ENOX1: variants seen among roughly 807,000 people sequenced by gnomAD.
ENOX1 encodes ecto-NOX disulfide-thiol exchanger 1.
In ENOX1, 42 loss-of-function variants were observed where a neutral mutation model predicts 82.5. The observed-to-expected ratio is 0.51, with a 90% CI of 0.40 to 0.66. The LOEUF (loss-of-function observed/expected upper bound fraction) is 0.66. ENOX1 is among the 30% of genes least tolerant of loss of function. The probability of loss-of-function intolerance (pLI) is 0.00; values close to 1 mark genes in which losing one functional copy is unlikely to be tolerated. For missense variants in ENOX1, 608 were observed against 811.6 expected (o/e 0.75, Z 3.05); for synonymous variants, 271 against 282.2 (o/e 0.96, Z 0.40).
At chr13:43,771,113 A>G (rs1158712961) in intron 1 of ENOX1, among the ~76,000 whole-genome samples, 1 of 152,212 alleles carries the variant, frequency 6.6e-6, no homozygotes, top group African/African-American at 2.4e-5. Context: ...GAAGAGTGGA[A>G]ATAACATTAA....
chr13:43,534,304 CA>C (rs2078357929), intron 2 of ENOX1, among the ~76,000 whole-genome samples: 1 of 152,092 alleles, frequency 6.6e-6, no homozygotes. Context: ...GTGTTGCTGG[CA>C]ACTGCTGAGT....
chr13:43,602,821 T>C (rs2081785756), intron 2 of ENOX1, among the ~76,000 whole-genome samples: 2 of 152,038 alleles, frequency 1.3e-5, no homozygotes, highest in South Asian at 4.2e-4. Context: ...TCATGAAATA[T>C]GTGCACAGGA....
intron 2 of ENOX1, among the ~76,000 whole-genome samples, chr13:43,559,506 C>T (rs190207055): frequency 1.3e-5 from 2 of 152,274 alleles, no homozygotes; most frequent in East Asian, 3.9e-4. Flanking sequence ...TTAGGTCTTA[C>T]TGTCTCTCAG....
At chr13:43,338,840 T>C (rs1297165202) in intron 9 of ENOX1, among the ~76,000 whole-genome samples, 12 of 152,022 alleles carry the variant, frequency 7.9e-5, no homozygotes, top group South Asian at 2.1e-4. Context: ...CGCCCGCCAC[T>C]GCCCCCGGCT....
At chr13:43,538,159 C>A (rs1204174075) in intron 2 of ENOX1, among the ~76,000 whole-genome samples, 1 of 152,198 alleles carries the variant, frequency 6.6e-6, no homozygotes, top group African/African-American at 2.4e-5. Flanking sequence ...GCTGATATAG[C>A]CACTCTCTCA....
intron 2 of ENOX1, among the ~76,000 whole-genome samples, chr13:43,607,003 G>A (rs2082002698): frequency 2.0e-5 from 3 of 152,100 alleles, no homozygotes; most frequent in Non-Finnish European, 2.9e-5. Flanking sequence ...GCGAGACCCT[G>A]TCTCAAAAAA....
chr13:43,498,675 T>A (rs1219256947), intron 2 of ENOX1, among the ~76,000 whole-genome samples: 2 of 151,918 alleles, frequency 1.3e-5, no homozygotes, highest in African/African-American at 4.8e-5. Context: ...GAACATCTAG[T>A]TAGAACTGCT....
At chr13:43,328,595 G>A (rs1162333966) in intron 9 of ENOX1, among the ~76,000 whole-genome samples, 1 of 152,078 alleles carries the variant, frequency 6.6e-6, no homozygotes, top group Admixed American at 6.6e-5. Flanking sequence ...AACGTGTAAG[G>A]GGCCAGAGAG....
chr13:43,440,223 C>T (rs1343519039), intron 3 of ENOX1, among the ~76,000 whole-genome samples: 2 of 152,076 alleles, frequency 1.3e-5, no homozygotes, highest in Non-Finnish European at 2.9e-5. Context: ...GCTTTCCTGT[C>T]ATTTATATCT....
At chr13:43,620,897 A>G (rs2082697340) in intron 2 of ENOX1, among the ~76,000 whole-genome samples, 1 of 152,164 alleles carries the variant, frequency 6.6e-6, no homozygotes, top group African/African-American at 2.4e-5. Flanking sequence ...TCTTAGGTCT[A>G]TTAGTCATAG....
At chr13:43,484,661 C>T (rs1357920837) in intron 2 of ENOX1, among the ~76,000 whole-genome samples, 1 of 152,156 alleles carries the variant, frequency 6.6e-6, no homozygotes, top group Non-Finnish European at 1.5e-5. Flanking sequence ...CACTCTGTAG[C>T]CTTGGTGATT....
chr13:43,597,040 A>G (rs764740496), intron 2 of ENOX1, among the ~76,000 whole-genome samples: 2 of 152,222 alleles, frequency 1.3e-5, no homozygotes, highest in African/African-American at 4.8e-5. Flanking sequence ...AGACCTCAGG[A>G]AACTTACAAT....
chr13:43,509,306 A>T (rs564205810), intron 2 of ENOX1, among the ~76,000 whole-genome samples: 1 of 152,216 alleles, frequency 6.6e-6, no homozygotes, highest in South Asian at 2.1e-4. Context: ...CTCTCTGCTC[A>T]CTAGTACAAC....
chr13:43,226,763 C>T (rs2042043958), intron 15 of ENOX1, among the ~76,000 whole-genome samples: 2 of 152,094 alleles, frequency 1.3e-5, no homozygotes, highest in African/African-American at 4.8e-5. Flanking sequence ...CTTTTTTTCT[C>T]CTCCTCCCCT....
chr13:43,326,036 A>T (rs553254913), intron 10 of ENOX1, among the ~76,000 whole-genome samples: 2 of 152,304 alleles, frequency 1.3e-5, no homozygotes, highest in Non-Finnish European at 2.9e-5. Flanking sequence ...ACTTGTCCAA[A>T]GAGCAAACTG....
chr13:43,325,918 T>G (rs955471602), intron 10 of ENOX1, among the ~76,000 whole-genome samples: 1 of 152,174 alleles, frequency 6.6e-6, no homozygotes, highest in Non-Finnish European at 1.5e-5. Context: ...GGCCTAGATA[T>G]TCACTCCCCT....
At chr13:43,751,666 A>G (rs1339721024) in intron 1 of ENOX1, among the ~76,000 whole-genome samples, 1 of 152,182 alleles carries the variant, frequency 6.6e-6, no homozygotes, top group Non-Finnish European at 1.5e-5. Flanking sequence ...TCTTTCACAC[A>G]ACGTAATTAT....
At chr13:43,660,136 C>A (rs1169176947) in intron 2 of ENOX1, among the ~76,000 whole-genome samples, 1 of 152,190 alleles carries the variant, frequency 6.6e-6, no homozygotes, top group Non-Finnish European at 1.5e-5. Flanking sequence ...CAGTGTTCAT[C>A]AGTATAATTT....
intron 2 of ENOX1, among the ~76,000 whole-genome samples, chr13:43,553,709 T>C (rs1256826143): frequency 1.3e-5 from 2 of 152,228 alleles, no homozygotes; most frequent in Non-Finnish European, 2.9e-5. Flanking sequence ...TTGTTCTCCA[T>C]TCTAGTCCTA....
Sources: gnomAD v4.1 joint callset for allele counts (sites outside exome capture counted in the v4.1 genomes callset) on GRCh38, gnomAD v4.1.1 for gene constraint, MANE v1.5 for transcripts, NCBI Gene and HGNC (gene_info 2026-07-23, HGNC 2026-07-21) for gene names.